The following TSNAXIP1 variants were observed in gnomAD, a reference collection of about 807,000 sequenced individuals.
TSNAXIP1 encodes the protein translin-associated factor X-interacting protein 1.
A neutral mutation model predicts 84.8 loss-of-function variants in TSNAXIP1; 89 were observed. That is an observed-to-expected ratio of 1.05 (90% CI 0.88 to 1.25). The LOEUF is 1.25. Ranked by LOEUF, TSNAXIP1 falls within the 50% of genes most tolerant of loss-of-function variation. TSNAXIP1 has a pLI of 0.00. For synonymous variants in TSNAXIP1, 347 were observed against 335.2 expected, an observed-to-expected ratio of 1.04 and a Z score of -0.39; for missense variants, 874 against 887.6, an observed-to-expected ratio of 0.98 and a Z score of 0.20.
chr16:67,817,066 AGCGATTCTCCT>A (rs1272996037), intron 2 of TSNAXIP1, among the ~76,000 whole-genome samples: 9 of 150,336 alleles, frequency 6.0e-5, no homozygotes, highest in Non-Finnish European at 1.3e-4. Context: ...CCCAGGTTCA[AGCGATTCTCCT>A]GCCTCAGCCT....
chr16:67,824,018 C>CAAAAA (rs10674785), intron 5 of TSNAXIP1, among the ~76,000 whole-genome samples: 4 of 89,074 alleles, frequency 4.5e-5, no homozygotes, highest in African/African-American at 4.9e-5. Flanking sequence ...GACTCCATCG[C>CAAAAA]AAAAAAAAAA....
intron 1 of TSNAXIP1, chr16:67,807,411 A>G (rs2055546906): frequency 6.6e-7 from 1 of 1,514,426 alleles, no homozygotes; most frequent in Admixed American, 2.0e-5. Context: ...CATTACTAGT[A>G]ACAACCAGCT....
In TSNAXIP1 at chr16:67,826,656, G is replaced by GT. The variant is rs145603202; in HGVS notation, c.1402-35dup. 1,100 of 1,611,400 alleles carry GT rather than the reference G, an allele frequency of 6.8e-4. 9 individuals carry two copies. In the African/African-American group the frequency reaches 0.012, roughly 18 times the overall value. ...TGACAGGGATGAGGGCCAACCAACC[G>GT]TAAGACTCTGACTGAGCATTTCCTC... On this transcript the variant is annotated intron_variant, in intron 11 of 15. Transcript: ENST00000561639.
chr16:67,812,789 AAAAT>A (rs1007407302), intron 1 of TSNAXIP1, among the ~76,000 whole-genome samples: 9 of 151,944 alleles, frequency 5.9e-5, no homozygotes, highest in African/African-American at 2.2e-4. Context: ...TAAATAAATA[AAAAT>A]AGAGGCAAAG....
intron 1 of TSNAXIP1, chr16:67,807,590 G>T: frequency 2.9e-6 from 1 of 350,244 alleles, no homozygotes; most frequent in Non-Finnish European, 5.4e-6. Flanking sequence ...TCAGCCTCCC[G>T]AGTAGCTGGG....
chr16:67,821,199 G>A lies in TSNAXIP1; in HGVS notation c.361G>A (p.Asp121Asn). 6 of 1,426,032 alleles carry A rather than the reference G, an allele frequency of 4.2e-6. No homozygotes were observed. The highest frequency in any genetic ancestry group is 5.7e-6 in the Non-Finnish European group (6 of 1,061,420). 88.3% of individuals were successfully genotyped at this position (1,426,032 alleles called of 1,614,324 possible). A position where few individuals can be genotyped will look rare whatever the true frequency, so the allele number is the denominator to read the frequency against. ...KELLLLDLGT[D>N]STQELRLQPY... ...GCTCCTCCTGCTGGACCTGGGCACAGATTCCACCCAGGAACTAAGGCTGCA... is the reference window on the plus strand; with the variant it reads ...GCTCCTCCTGCTGGACCTGGGCACAAATTCCACCCAGGAACTAAGGCTGCA... Residue 121 changes from aspartate to asparagine, a missense_variant, in exon 4 of 16, where the codon GAT becomes AAT. Coordinates refer to ENST00000561639, the MANE Select transcript of TSNAXIP1 (RefSeq NM_001288990.3).
At chr16:67,807,318 C>CA in intron 1 of TSNAXIP1, 122 bp downstream of exon 1, 2 of 1,534,388 alleles carry the variant, frequency 1.3e-6, no homozygotes, top group Non-Finnish European at 1.7e-6. Context: ...AGGGCTCCAG[C>CA]ACCACAGAGT....
intron 10 of TSNAXIP1, 48 bp from the exon 11 acceptor site, chr16:67,826,389 G>A (rs2057452559): frequency 1.2e-6 from 2 of 1,609,800 alleles, no homozygotes; most frequent in African/African-American, 1.3e-5. Flanking sequence ...CTGATTGGGG[G>A]TGGGGCCACA....
chr16:67,823,713 ATGC>A lies in TSNAXIP1; in HGVS notation c.478_480del (p.Leu160del). On this transcript the variant is annotated inframe_deletion, in exon 5 of 16. Coordinates refer to ENST00000561639, the MANE Select transcript of TSNAXIP1 (RefSeq NM_001288990.3). ...CTCCATCAAGAATGCGTATGAGGGG[ATGC>A]TGGGTAAGAATGCACCTCCTGCCAG... 6.2e-7 allele frequency: 1 copy of A among 1,612,586 alleles called. No individual in the cohort carries two copies.
At chr16:67,824,323 G>T (rs983775428) in intron 5 of TSNAXIP1, among the ~76,000 whole-genome samples, 5 of 152,332 alleles carry the variant, frequency 3.3e-5, no homozygotes, top group Admixed American at 2.0e-4. Context: ...GGCTCAGGAG[G>T]TGCAGGGCAT....
Position 67,825,730 on chromosome 16 carries a change from C to A in TSNAXIP1, c.878C>A (p.Thr293Asn), listed in dbSNP as rs758043945. Residue 293 changes from threonine (T) to asparagine (N), a missense_variant, in exon 8 of 16, where the codon ACC becomes AAC. Thr to Asn is a moderately conservative substitution (Grantham distance 65). Coordinates refer to ENST00000561639, the MANE Select transcript of TSNAXIP1 (RefSeq NM_001288990.3). ...LALKMTRQDL[T>N]RTQMELNNMK... ...CTTAAGATGACCCGGCAAGACCTGACCCGCACGCAGATGGAACTCAACAAC... is the reference window on the plus strand; with the variant it reads ...CTTAAGATGACCCGGCAAGACCTGAACCGCACGCAGATGGAACTCAACAAC... 1.4e-5 allele frequency: 22 copies of A among 1,614,052 alleles called. No homozygotes were observed. The highest frequency in any genetic ancestry group is 1.8e-5 in the Non-Finnish European group (21 of 1,180,044).
chr16:67,815,707 C>T (rs1402455784), intron 2 of TSNAXIP1, among the ~76,000 whole-genome samples: 1 of 151,956 alleles, frequency 6.6e-6, no homozygotes, highest in East Asian at 1.9e-4. Context: ...CTACGTTGCC[C>T]AAGCTGGTCT....
chr16:67,814,237 G>A (rs974199391), intron 1 of TSNAXIP1, 65 bp from the exon 2 acceptor site: 26 of 1,286,528 alleles, frequency 2.0e-5, no homozygotes, highest in Non-Finnish European at 2.5e-5. Flanking sequence ...GATCTAGAAA[G>A]GATGGGAGTT....
intron 1 of TSNAXIP1, among the ~76,000 whole-genome samples, chr16:67,813,463 A>G (rs2151201863): frequency 6.7e-6 from 1 of 150,164 alleles, no homozygotes; most frequent in African/African-American, 2.4e-5. Context: ...GGCCAGGCAC[A>G]GTGGCTCACG....
chr16:67,808,433 G>C (rs2055692371), intron 1 of TSNAXIP1, among the ~76,000 whole-genome samples: 1 of 152,182 alleles, frequency 6.6e-6, no homozygotes, highest in African/African-American at 2.4e-5. Context: ...AATTAGCCAG[G>C]CATGGGGGTG....
chr16:67,827,003 C>A lies in TSNAXIP1; in HGVS notation c.1595C>A (p.Ala532Asp), dbSNP rs1232755629. ...TATGTCACCCAGAAGGAGACAGTAG[C>A]CCAGCTGCTGAAGGAGATGACAAAT... ...NVYVTQKETV[A>D]QLLKEMTNAD... Residue 532 changes from alanine to aspartate, a missense_variant, in exon 13 of 16, where the codon GCC (alanine) becomes GAC (aspartate). By Grantham distance (126) the Ala-to-Asp change is moderately radical (BLOSUM62 -2). Transcript: ENST00000561639. The A allele has an allele frequency of 4.3e-6, 7 of 1,614,016 alleles. No homozygotes were observed. Among genetic ancestry groups the A allele is most frequent in the African/African-American group, 1.3e-5 (1 of 74,882 alleles).
At chr16:67,811,875 C>A (rs757107160) in intron 1 of TSNAXIP1, among the ~76,000 whole-genome samples, 2 of 152,190 alleles carry the variant, frequency 1.3e-5, no homozygotes, top group Non-Finnish European at 1.5e-5. Flanking sequence ...CTTCTCCTCA[C>A]CGACTGCTTA....
intron 15 of TSNAXIP1, 75 bp downstream of exon 15, chr16:67,827,654 C>G (rs2057568401): frequency 6.2e-7 from 1 of 1,610,212 alleles, no homozygotes; most frequent in African/African-American, 1.3e-5. Context: ...GTGCACCATG[C>G]ACCATCCACT....
In TSNAXIP1 at chr16:67,826,804, A is replaced by G. The variant is rs1283596083; in HGVS notation, c.1514A>G (p.Asn505Ser). 2.5e-6 allele frequency: 4 copies of G among 1,614,030 alleles called. No individual in the cohort carries two copies. Among genetic ancestry groups the G allele is most frequent in the Non-Finnish European group, 3.4e-6 (4 of 1,180,024 alleles). The change falls in exon 12 of 16, where the codon AAC becomes AGC. Residue 505 changes from asparagine to serine, a missense_variant. Physicochemically the swap from Asn to Ser is conservative, Grantham distance 46. Transcript: ENST00000561639. ...GAAAATATCAAGATCTTCCACTCCA[A>G]CGAGGTTATGAGTCAGTTCTATGCA... ...IFENIKIFHS[N>S]EVMSQFYAVL...
Sources: allele counts gnomAD v4.1 joint callset (sites outside exome capture counted in the v4.1 genomes callset), GRCh38; gene constraint gnomAD v4.1.1; transcripts MANE v1.5; gene names NCBI Gene and HGNC (gene_info 2026-07-23, HGNC 2026-07-21).